The following SERBP1 variants were observed in gnomAD, a reference collection of about 807,000 sequenced individuals.
SERBP1 encodes SERPINE1 mRNA binding protein 1, also known as SERPINE1 mRNA-binding protein 1.
A neutral mutation model predicts 50.2 loss-of-function variants in SERBP1; 6 were observed. The ratio of observed to expected loss-of-function variants is 0.12; its 90% CI spans 0.07 to 0.24. The LOEUF is 0.24. Among genes scored for constraint, SERBP1 ranks in the 10% least tolerant of loss-of-function variants. SERBP1 has a pLI of 1.00. For synonymous variants in SERBP1, 168 were observed against 182.8 expected, an observed-to-expected ratio of 0.92 and a Z score of 0.65; for missense variants, 346 against 524.9, an observed-to-expected ratio of 0.66 and a Z score of 3.33.
rs544922522 is a variant in SERBP1, at chr1:67,428,067, C to A, written c.314-1782G>T. On this transcript the variant is annotated intron_variant, in intron 1 of 7. Coordinates refer to ENST00000361219, the MANE Select transcript of SERBP1 (RefSeq NM_001018069.2). The stretch of plus-strand genomic sequence containing the variant: ...AGGTTAACCTTCCTACTACATGCAG[C>A]GACTTTGTTTACAGATTTATTCCCA... Among the ~76,000 whole-genome samples, 24 of 152,282 alleles carry A rather than the reference C, an allele frequency of 1.6e-4. No homozygotes were observed. The South Asian group carries it at 4.6e-3, about 29-fold the overall frequency.
chr1:67,424,833 G>T, intron 4 of SERBP1, 55 bp downstream of exon 4: 1 of 1,307,300 alleles, frequency 7.6e-7, no homozygotes. Context: ...TTTGACAGAG[G>T]TATGGATTAA....
intron 4 of SERBP1, 117 bp downstream of exon 4, chr1:67,424,771 T>C: frequency 1.3e-6 from 1 of 772,424 alleles, no homozygotes; most frequent in South Asian, 1.7e-5. Context: ...TATCTTGTAA[T>C]ATAGTAACTC....
chr1:67,415,852 C>T (rs1208253341), intron 6 of SERBP1, among the ~76,000 whole-genome samples: 1 of 152,158 alleles, frequency 6.6e-6, no homozygotes, highest in Admixed American at 6.6e-5. Flanking sequence ...TAGATATAAA[C>T]TTCTCAGAAG....
intron 1 of SERBP1, 193 bp downstream of exon 1, chr1:67,429,795 G>A (rs1667509295): frequency 1.7e-6 from 1 of 586,162 alleles, no homozygotes; most frequent in Admixed American, 3.5e-5. Flanking sequence ...CCTCGCCGGC[G>A]GTGGCTTGAA....
chr1:67,417,800 T>C (rs767429557), intron 6 of SERBP1, among the ~76,000 whole-genome samples: 14 of 151,838 alleles, frequency 9.2e-5, no homozygotes, highest in Non-Finnish European at 1.6e-4. Flanking sequence ...TGTAAGCCAC[T>C]GTGTCCGACC....
Position 67,420,444 on chromosome 1 carries a change from C to T in SERBP1, c.774-258G>A, listed in dbSNP as rs72932877. 3.5e-3 allele frequency: 1,165 copies of T among 337,122 alleles called. 14 individuals carry two copies. The highest frequency in any genetic ancestry group is 0.021 in the African/African-American group (991 of 46,976). 20.9% of individuals were successfully genotyped at this position (337,122 alleles called of 1,614,324 possible). On this transcript the variant is annotated intron_variant, in intron 5 of 7. Transcript: ENST00000361219. ...CTTAAATGATCATTTATCAGTAATA[C>T]AATCTAGAACTGGCTTTACGAATAC...
chr1:67,424,070 G>T, intron 5 of SERBP1, 130 bp downstream of exon 5: 1 of 856,216 alleles, frequency 1.2e-6, no homozygotes, highest in Non-Finnish European at 1.7e-6. Context: ...AGGGATGAGG[G>T]TACAGTAAGT....
chr1:67,415,426 A>G, intron 6 of SERBP1, 87 bp from the exon 7 acceptor site: 1 of 1,332,474 alleles, frequency 7.5e-7, no homozygotes. Context: ...TCTAAAAAAA[A>G]CCAAAAATCC....
At chr1:67,424,326 A>C (rs1667300981) in intron 4 of SERBP1, 49 bp from the exon 5 acceptor site, 8 of 1,587,296 alleles carry the variant, frequency 5.0e-6, no homozygotes, top group Non-Finnish European at 5.1e-6. Flanking sequence ...GGACTCTCTA[A>C]GGAAAGAAAG....
chr1:67,422,392 T>A (rs563620918), intron 5 of SERBP1, among the ~76,000 whole-genome samples: 2 of 151,556 alleles, frequency 1.3e-5, no homozygotes, highest in East Asian at 3.9e-4. Flanking sequence ...ATGCCTGTAA[T>A]CCCAGCTACT....
At chr1:67,415,373 G>A (rs1451294304) in intron 6 of SERBP1, 34 bp from the exon 7 acceptor site, 2 of 1,496,242 alleles carry the variant, frequency 1.3e-6, no homozygotes, top group Non-Finnish European at 8.9e-7. Context: ...TGTGTTATTA[G>A]TAGAAAAGTA....
At chr1:67,425,581 G>C (rs902255625) in intron 2 of SERBP1, among the ~76,000 whole-genome samples, 1 of 152,170 alleles carries the variant, frequency 6.6e-6, no homozygotes, top group Non-Finnish European at 1.5e-5. Flanking sequence ...TAAACCAACA[G>C]TATTTTCCTT....
intron 6 of SERBP1, 22 bp from the exon 7 acceptor site, chr1:67,415,361 A>G (rs770073860): frequency 2.6e-6 from 4 of 1,533,620 alleles, no homozygotes; most frequent in Non-Finnish European, 3.5e-6. Context: ...AGTGAAGATG[A>G]TTGTGTTATT....
rs1667003418 is a variant in SERBP1, at chr1:67,416,127, C to G, written c.952-788G>C. Among the ~76,000 whole-genome samples the G allele has an allele frequency of 2.0e-5, 3 of 152,030 alleles. 1 individual carries two copies. In the South Asian group the frequency reaches 6.2e-4, roughly 32 times the overall value. ...TCCCAGGCTCAAGCGATCCTCCCAC[C>G]TCAGCCTCCCAAGTAGCTGGGTCTA... On this transcript the variant is annotated intron_variant, in intron 6 of 7. Transcript: ENST00000361219.
At chr1:67,429,495 A>ACC (rs2100453064) in intron 1 of SERBP1, 1 of 153,070 alleles carries the variant, frequency 6.5e-6, no homozygotes, top group African/African-American at 2.4e-5. Flanking sequence ...CAGCGGGGAT[A>ACC]CTCCGCGCCG....
At chr1:67,416,088 T>C (rs774885078) in intron 6 of SERBP1, among the ~76,000 whole-genome samples, 4 of 150,264 alleles carry the variant, frequency 2.7e-5, no homozygotes, top group Non-Finnish European at 5.9e-5. Flanking sequence ...TCTGGGTTCA[T>C]TGCAACCTCC....
In SERBP1 at chr1:67,411,800, ATTT is replaced by A. The variant is rs1395733318; in HGVS notation, c.*1404_*1406del. ...ATGACGTGACAAACAATTCTTAAAA[ATTT>A]TTTAAAAATTCCTTCACTGTTTATC... On this transcript the variant is annotated 3_prime_UTR_variant, in exon 8 of 8. Coordinates refer to ENST00000361219, the MANE Select transcript of SERBP1 (RefSeq NM_001018069.2). 6.6e-6 allele frequency: 1 copy of A among 152,206 alleles called. No individual in the cohort carries two copies. The highest frequency in any genetic ancestry group is 2.4e-5 in the African/African-American group (1 of 41,468). 9.4% of individuals were successfully genotyped at this position (152,206 alleles called of 1,614,324 possible).
At chr1:67,416,927 C>T (rs775807085) in intron 6 of SERBP1, among the ~76,000 whole-genome samples, 2 of 152,082 alleles carry the variant, frequency 1.3e-5, no homozygotes, top group Non-Finnish European at 2.9e-5. Flanking sequence ...AACCACAGAT[C>T]GAAAATATTC....
chr1:67,424,510 A>T (rs1303939999), intron 4 of SERBP1: 1 of 515,316 alleles, frequency 1.9e-6, no homozygotes, highest in Non-Finnish European at 3.3e-6. Context: ...AAAAAGTAAC[A>T]GAACAAGGCA....
Sources: allele counts gnomAD v4.1 joint callset (sites outside exome capture counted in the v4.1 genomes callset), GRCh38; gene constraint gnomAD v4.1.1; transcripts MANE v1.5; gene names NCBI Gene and HGNC (gene_info 2026-07-23, HGNC 2026-07-21).